Variants in UNC93A observed in about 807,000 individuals in gnomAD.
UNC93A encodes unc-93 homolog A.
UNC93A carries 43 observed loss-of-function variants against 47.5 expected under a neutral mutation model. The observed-to-expected ratio is 0.91, with a 90% confidence interval of 0.71 to 1.17. The LOEUF (loss-of-function observed/expected upper bound fraction) is 1.17. UNC93A is among the 50% of genes most tolerant of loss of function. The pLI is 0.00. For missense variants in UNC93A, 605 were observed against 577.6 expected, an observed-to-expected ratio of 1.05 and a Z score of -0.49; for synonymous variants, 280 against 258.0, an observed-to-expected ratio of 1.09 and a Z score of -0.82.
intron 3 of UNC93A, among the ~76,000 whole-genome samples, chr6:167,297,485 A>G (rs984993254): frequency 4.6e-5 from 7 of 152,214 alleles, no homozygotes; most frequent in African/African-American, 1.7e-4. Flanking sequence ...GAGATCACAG[A>G]ACTAACGTTA....
chr6:167,288,307 C>G (rs1783776211), upstream of UNC93A, among the ~76,000 whole-genome samples: 1 of 152,176 alleles, frequency 6.6e-6, no homozygotes, highest in South Asian at 2.1e-4. Flanking sequence ...CCCCGAATGC[C>G]CGCTCAGCTC....
chr6:167,296,409 G>T, intron 3 of UNC93A, 148 bp downstream of exon 3: 2 of 835,350 alleles, frequency 2.4e-6, no homozygotes, highest in Non-Finnish European at 1.9e-6. Context: ...TTCTCAACCT[G>T]CCTGTGCTTC....
chr6:167,274,611 T>G lies in UNC93A; in HGVS notation c.-52+3153T>G, dbSNP rs187293238. Reference sequence around the variant, plus strand: ...GCAGTTGATGTTTTCTCTATGACACTCTTAGCTGACTGGCGGCTGTCTAGA... The same window carrying G: ...GCAGTTGATGTTTTCTCTATGACACGCTTAGCTGACTGGCGGCTGTCTAGA... On this transcript the variant is annotated intron_variant, in intron 1 of 3. Transcript: ENST00000503433. Among the ~76,000 whole-genome samples, 662 of 152,314 alleles carry G rather than the reference T, an allele frequency of 4.3e-3. 7 individuals are homozygous for G. Among genetic ancestry groups the G allele is most frequent in the African/African-American group, 0.015 (642 of 41,552 alleles).
chr6:167,305,587 C>T (rs1251658566), intron 5 of UNC93A, among the ~76,000 whole-genome samples: 2 of 151,954 alleles, frequency 1.3e-5, no homozygotes, highest in Admixed American at 6.5e-5. Context: ...TTAGACCTAA[C>T]AGGTAATGAT....
chr6:167,291,435 T>C lies in UNC93A; in HGVS notation c.-55T>C. ...TTTCCCATGCCTCAATTGGTTTCTT[T>C]TAGGGAGCTACAAATTTACGTGTTC... On this transcript the variant is annotated 5_prime_UTR_variant, in exon 1 of 8. Coordinates refer to ENST00000230256, the MANE Select transcript of UNC93A (RefSeq NM_018974.4). The C allele has an allele frequency of 6.5e-7, 1 of 1,545,816 alleles. No individual in the cohort carries two copies. The highest frequency in any genetic ancestry group is 8.9e-7 in the Non-Finnish European group (1 of 1,125,666).
At chr6:167,283,201 CAA>C (rs1562342660) in intron 1 of UNC93A, among the ~76,000 whole-genome samples, 2 of 152,118 alleles carry the variant, frequency 1.3e-5, no homozygotes, top group Non-Finnish European at 2.9e-5. Flanking sequence ...ATGTGTCAAA[CAA>C]AGTTATTTTT....
At chr6:167,300,446 G>A (rs1778210245) in intron 4 of UNC93A, among the ~76,000 whole-genome samples, 1 of 152,094 alleles carries the variant, frequency 6.6e-6, no homozygotes, top group Non-Finnish European at 1.5e-5. Flanking sequence ...GTTGAGTGTG[G>A]CAGGGCCCCT....
intron 2 of UNC93A, 85 bp downstream of exon 2, chr6:167,294,783 A>G: frequency 7.0e-7 from 1 of 1,425,976 alleles, no homozygotes; most frequent in Non-Finnish European, 9.5e-7. Flanking sequence ...TTGCATTTGC[A>G]CCTGATTACT....
chr6:167,304,649 C>T (rs1486971967), intron 5 of UNC93A, among the ~76,000 whole-genome samples: 1 of 152,122 alleles, frequency 6.6e-6, no homozygotes, highest in African/African-American at 2.4e-5. Context: ...CAGCTCACCG[C>T]AACCTCTGCC....
intron 1 of UNC93A, among the ~76,000 whole-genome samples, chr6:167,282,311 C>T (rs543021319): frequency 2.6e-5 from 4 of 152,114 alleles, no homozygotes; most frequent in Non-Finnish European, 5.9e-5. Flanking sequence ...TGGGTCTGGC[C>T]TTGTCACAGG....
rs116430463 is a variant in UNC93A at position 167,299,530 on chromosome 6, C to T, written c.625+1460C>T. On this transcript the variant is annotated intron_variant, in intron 4 of 7. Coordinates refer to ENST00000230256, the MANE Select transcript of UNC93A (RefSeq NM_018974.4). ...CCATGCTAGGCCTTCTTGGTCCAGA[C>T]ATTCAGATGACTAGAAGCTCGCCTT... Among the ~76,000 whole-genome samples, 734 of 152,326 alleles carry T rather than the reference C, an allele frequency of 4.8e-3. 8 individuals carry two copies. Among genetic ancestry groups the T allele is most frequent in the African/African-American group, 0.017 (687 of 41,548 alleles).
At chr6:167,312,387 A>G (rs1277605549) in intron 7 of UNC93A, among the ~76,000 whole-genome samples, 1 of 152,116 alleles carries the variant, frequency 6.6e-6, no homozygotes, top group African/African-American at 2.4e-5. Context: ...CCAGCAGTCA[A>G]GAAGACAGCA....
intron 1 of UNC93A, among the ~76,000 whole-genome samples, chr6:167,285,962 A>C (rs206992): frequency 0.47 from 60,859 of 130,376 alleles, 13,682 homozygotes; most frequent in Middle Eastern, 0.56. Context: ...CTCTCTCTCT[A>C]TATATATATA....
At position 167,307,852 on chromosome 6, in the gene UNC93A, C is replaced by T. The variant is rs199826032; in HGVS notation, c.1050C>T (p.Phe350=). 4.3e-4 allele frequency: 695 copies of T among 1,614,064 alleles called. No individual in the cohort carries two copies. The highest frequency in any genetic ancestry group is 5.1e-4 in the Non-Finnish European group (607 of 1,179,960). Reference sequence around the variant, plus strand: ...CTCGTGCTGACCATCTGGCAGTGTTCTTCGTATTCTCTGGCCTGTGGGGCG... The same window carrying T: ...CTCGTGCTGACCATCTGGCAGTGTTTTTCGTATTCTCTGGCCTGTGGGGCG... ...WRPRADHLAV[F]FVFSGLWGVA... is the part of the protein sequence containing the mutation. Residue 350 remains phenylalanine, a synonymous_variant, in exon 7 of 8, where the codon TTC becomes TTT. Transcript: ENST00000230256.
At chr6:167,294,338 G>C (rs774718883) in intron 1 of UNC93A, among the ~76,000 whole-genome samples, 179 bp from the exon 2 acceptor site, 1 of 152,118 alleles carries the variant, frequency 6.6e-6, no homozygotes, top group Non-Finnish European at 1.5e-5. Context: ...GCTTTATTCC[G>C]AATTCACCTG....
chr6:167,307,158 C>T (rs1227443976), intron 6 of UNC93A, among the ~76,000 whole-genome samples: 1 of 152,182 alleles, frequency 6.6e-6, no homozygotes, highest in Admixed American at 6.5e-5. Flanking sequence ...ACTTTAAACC[C>T]TCTTAGCTTA....
At chr6:167,295,672 T>TCCCTC (rs1562350544) in intron 2 of UNC93A, among the ~76,000 whole-genome samples, 1 of 121,368 alleles carries the variant, frequency 8.2e-6, no homozygotes, top group African/African-American at 3.8e-5. Flanking sequence ...GATCCTCGCC[T>TCCCTC]GCCTCGTGCT....
chr6:167,303,681 C>G (rs1298576890), intron 4 of UNC93A, among the ~76,000 whole-genome samples: 2 of 152,006 alleles, frequency 1.3e-5, no homozygotes, highest in Non-Finnish European at 2.9e-5. Flanking sequence ...CAATACTGAC[C>G]TATTGTGGCA....
Position 167,291,321 on chromosome 6 carries a change from G to A in UNC93A, c.-169G>A, listed in dbSNP as rs901873915. ...GTCAGTGATAACCAAGTTCATTAAC[G>A]AGTGACAGTCTTAATGACTAACACA... is the stretch of plus-strand genomic sequence containing the variant. On this transcript the variant is annotated 5_prime_UTR_variant, in exon 1 of 8. Coordinates refer to ENST00000230256, the MANE Select transcript of UNC93A (RefSeq NM_018974.4). 3.5e-5 allele frequency: 18 copies of A among 521,540 alleles called. No homozygotes were observed. The highest frequency in any genetic ancestry group is 1.9e-4 in the Admixed American group (5 of 26,842). The allele number at this position is 521,540 out of a possible 1,614,324, so 32.3% of individuals were successfully genotyped here.
Sources: allele counts gnomAD v4.1 joint callset (sites outside exome capture counted in the v4.1 genomes callset), GRCh38; gene constraint gnomAD v4.1.1; transcripts MANE v1.5; gene names NCBI Gene and HGNC (gene_info 2026-07-23, HGNC 2026-07-21).